The following CAMK4 variants were observed in gnomAD, a reference collection of about 807,000 sequenced individuals.
The protein encoded by CAMK4 is calcium/calmodulin-dependent protein kinase type IV.
In CAMK4, 22 loss-of-function variants were observed where a neutral mutation model predicts 44.9. The observed-to-expected ratio is 0.49, with a 90% CI of 0.35 to 0.70. The LOEUF is 0.70. CAMK4 is among the 30% of genes least tolerant of loss of function. The pLI, the probability that CAMK4 is intolerant of heterozygous loss-of-function variation, is 0.01. For missense variants in CAMK4, 498 were observed against 586.8 expected, an observed-to-expected ratio of 0.85 and a Z score of 1.56; for synonymous variants, 218 against 215.4, an observed-to-expected ratio of 1.01 and a Z score of -0.11.
intron 1 of CAMK4, among the ~76,000 whole-genome samples, chr5:111,235,736 G>T (rs1172191085): frequency 2.0e-5 from 3 of 152,256 alleles, no homozygotes; most frequent in Non-Finnish European, 4.4e-5. Context: ...GCTAAGGGCT[G>T]TTGGGATTGG....
At chr5:111,380,717 G>A (rs1238357009) in intron 4 of CAMK4, among the ~76,000 whole-genome samples, 1 of 152,098 alleles carries the variant, frequency 6.6e-6, no homozygotes, top group East Asian at 1.9e-4. Context: ...GTTTTTGCTT[G>A]CCTGTTTAGG....
intron 5 of CAMK4, among the ~76,000 whole-genome samples, chr5:111,437,759 A>G (rs11241123): frequency 0.33 from 50,487 of 151,932 alleles, 9,446 homozygotes; most frequent in Middle Eastern, 0.49. Flanking sequence ...GAAAATCTGT[A>G]TCAGAGAACA....
At chr5:111,317,041 T>C (rs1342834787) in intron 1 of CAMK4, among the ~76,000 whole-genome samples, 2 of 152,130 alleles carry the variant, frequency 1.3e-5, no homozygotes, top group Non-Finnish European at 2.9e-5. Context: ...AAAAACAGAA[T>C]GCACGAAAAC....
intron 1 of CAMK4, among the ~76,000 whole-genome samples, chr5:111,285,208 G>A (rs117210761): frequency 6.6e-6 from 1 of 152,290 alleles, no homozygotes; most frequent in East Asian, 1.9e-4. Context: ...TATGCAGAAA[G>A]AAATATACTA....
rs891070291 is a variant in CAMK4, at chr5:111,320,592, C to T, written c.162-23432C>T. 6.6e-5 allele frequency among the ~76,000 whole-genome samples: 10 copies of T among 152,234 alleles called. No homozygotes were observed. The East Asian group carries it at 9.7e-4, about 15-fold the overall frequency. ...CACAATCTCTGCTCACCACAACCTC[C>T]GCCTCCCTGGTTCAAGTGATTCTCC... On this transcript the variant is annotated intron_variant, in intron 1 of 10. Transcript: ENST00000282356.
intron 5 of CAMK4, among the ~76,000 whole-genome samples, chr5:111,440,264 G>A (rs759524491): frequency 3.3e-5 from 5 of 152,186 alleles, no homozygotes; most frequent in Non-Finnish European, 7.3e-5. Flanking sequence ...GATCCAAGCA[G>A]CACTAAGGGA....
intron 4 of CAMK4, among the ~76,000 whole-genome samples, chr5:111,393,319 C>T (rs903358718): frequency 1.3e-5 from 2 of 152,138 alleles, no homozygotes; most frequent in African/African-American, 4.8e-5. Flanking sequence ...CTAATCAAGA[C>T]CCTAATGCTA....
At chr5:111,402,337 A>T (rs1186633044) in intron 5 of CAMK4, among the ~76,000 whole-genome samples, 1 of 152,256 alleles carries the variant, frequency 6.6e-6, no homozygotes, top group Non-Finnish European at 1.5e-5. Flanking sequence ...ACAAAAATAA[A>T]TTATCAGTTT....
intron 7 of CAMK4, among the ~76,000 whole-genome samples, chr5:111,451,568 A>C (rs2112982603): frequency 6.6e-6 from 1 of 152,230 alleles, no homozygotes; most frequent in East Asian, 1.9e-4. Flanking sequence ...GATTACAGGC[A>C]TGAGCCACCA....
chr5:111,232,969 A>G (rs1422617332), intron 1 of CAMK4, among the ~76,000 whole-genome samples: 1 of 152,266 alleles, frequency 6.6e-6, no homozygotes, highest in African/African-American at 2.4e-5. Flanking sequence ...TAGACAACAT[A>G]CAGACAATAG....
chr5:111,310,129 G>A (rs1340669873), intron 1 of CAMK4, among the ~76,000 whole-genome samples: 2 of 151,806 alleles, frequency 1.3e-5, no homozygotes, highest in African/African-American at 4.9e-5. Context: ...TCGTTTTGGG[G>A]GTAGAGTTGA....
intron 1 of CAMK4, among the ~76,000 whole-genome samples, chr5:111,322,077 T>A (rs1464518245): frequency 1.3e-5 from 2 of 152,038 alleles, no homozygotes; most frequent in African/African-American, 2.4e-5. Flanking sequence ...AGACTATAGT[T>A]ATAAGACAGT....
intron 1 of CAMK4, among the ~76,000 whole-genome samples, chr5:111,258,281 A>G (rs969237717): frequency 3.9e-5 from 6 of 152,230 alleles, no homozygotes; most frequent in Admixed American, 6.5e-5. Flanking sequence ...GATATATTTA[A>G]GATGTACAGC....
intron 1 of CAMK4, among the ~76,000 whole-genome samples, chr5:111,340,181 C>G (rs1749580258): frequency 1.3e-5 from 2 of 151,072 alleles, no homozygotes. Flanking sequence ...GACAGTTTAA[C>G]TTACTCCTTT....
chr5:111,295,492 G>A (rs974323819), intron 1 of CAMK4, among the ~76,000 whole-genome samples: 7 of 152,166 alleles, frequency 4.6e-5, no homozygotes, highest in African/African-American at 1.7e-4. Flanking sequence ...TTAGCTTCCA[G>A]TTTGGTGTCA....
intron 1 of CAMK4, among the ~76,000 whole-genome samples, chr5:111,323,199 C>T (rs1234463976): frequency 6.6e-6 from 1 of 151,948 alleles, no homozygotes; most frequent in Non-Finnish European, 1.5e-5. Flanking sequence ...TAGGCATATC[C>T]TCAAAAGCCA....
At chr5:111,401,724 C>G (rs1230126464) in intron 5 of CAMK4, among the ~76,000 whole-genome samples, 1 of 152,142 alleles carries the variant, frequency 6.6e-6, no homozygotes, top group East Asian at 1.9e-4. Flanking sequence ...AAGAGGAACA[C>G]TAAGCTAAGT....
chr5:111,365,514 G>A (rs1416719352), intron 2 of CAMK4, among the ~76,000 whole-genome samples: 1 of 20,752 alleles, frequency 4.8e-5, no homozygotes, highest in Non-Finnish European at 7.2e-5. Context: ...TTCAGTATAG[G>A]AATGTGTAAT....
intron 9 of CAMK4, among the ~76,000 whole-genome samples, chr5:111,480,289 C>CACACACACACACACACACACA (rs70973611): frequency 1.3e-4 from 19 of 147,992 alleles, no homozygotes; most frequent in African/African-American, 3.3e-4. Context: ...CACACACACA[C>CACACACACACACACACACACA]CCCTGGGTAA....
Sources: gnomAD v4.1 joint callset for allele counts (sites outside exome capture counted in the v4.1 genomes callset) on GRCh38, gnomAD v4.1.1 for gene constraint, MANE v1.5 for transcripts, NCBI Gene and HGNC (gene_info 2026-07-23, HGNC 2026-07-21) for gene names.